The following LACTBL1 variants were observed in gnomAD, a reference collection of about 807,000 sequenced individuals.
The protein encoded by LACTBL1 is beta-lactamase-like protein 1.
Under a neutral mutation model 39.6 loss-of-function variants are expected in LACTBL1, and 29 were observed. That is an observed-to-expected ratio of 0.73 (90% CI 0.55 to 1.00). The LOEUF (loss-of-function observed/expected upper bound fraction) is 1.00. Among genes scored for constraint, LACTBL1 ranks in the 50% least tolerant of loss-of-function variants. LACTBL1 has a pLI of 0.00. For synonymous variants in LACTBL1, 361 were observed against 360.7 expected (o/e 1.00, Z -0.01); for missense variants, 711 against 748.5 (o/e 0.95, Z 0.59).
chr1:22,960,242 C>T (rs948658669), intron 2 of LACTBL1, 143 bp from the exon 5 acceptor site: 1 of 896,338 alleles, frequency 1.1e-6, no homozygotes, highest in African/African-American at 1.7e-5. Context: ...GGCTGGGGCC[C>T]CCACTGTTGG....
chr1:22,966,455 A>G (rs1159969532), upstream of LACTBL1, among the ~76,000 whole-genome samples: 1 of 152,216 alleles, frequency 6.6e-6, no homozygotes, highest in Admixed American at 6.5e-5. Context: ...TCCTCAGTAC[A>G]CACGCAATCC....
At chr1:22,969,598 TC>T (rs1462368186), upstream of LACTBL1, among the ~76,000 whole-genome samples, 1 of 152,100 alleles carries the variant, frequency 6.6e-6, no homozygotes, top group Non-Finnish European at 1.5e-5. Context: ...GCCAGCCCAT[TC>T]CCTGCCCCTC....
chr1:22,964,082 G>A (rs1377599873), intron 1 of LACTBL1, among the ~76,000 whole-genome samples: 4 of 152,208 alleles, frequency 2.6e-5, no homozygotes, highest in Non-Finnish European at 4.4e-5. Context: ...GACTACAGGC[G>A]TCCACCACCA....
chr1:22,963,210 A>G (rs6426777), exon 2 of LACTBL1: 52,195 of 1,354,052 alleles, frequency 0.039, 2,425 homozygotes, highest in Admixed American at 0.19. Flanking sequence ...CTCTGGTCCC[A>G]GGGAACCTGG....
chr1:22,965,243 G>A (rs1640864486), intron 1 of LACTBL1, 47 bp downstream of exon 3: 1 of 1,293,974 alleles, frequency 7.7e-7, no homozygotes, highest in Non-Finnish European at 9.9e-7. Flanking sequence ...AGCCCAGGAG[G>A]ACCCAGGGGG....
intron 4 of LACTBL1, among the ~76,000 whole-genome samples, chr1:22,958,469 T>C (rs1471568458): frequency 1.3e-5 from 2 of 152,228 alleles, no homozygotes; most frequent in African/African-American, 4.8e-5. Flanking sequence ...CTCATCTTGA[T>C]GTTTCTACTT....
rs914467377 is a variant in LACTBL1, at chr1:22,959,939, G to T, written c.317+3C>A. 1 of 1,550,988 alleles carries T rather than the reference G, an allele frequency of 6.4e-7. No homozygotes were observed. The highest frequency in any genetic ancestry group is 1.4e-5 in the African/African-American group (1 of 73,032). On this transcript the variant is annotated splice_donor_region_variant and intron_variant, in intron 3 of 5. Coordinates refer to ENST00000426928, the Ensembl canonical transcript of LACTBL1. ...ACAGGACCCTAGAGATCACCCAGCT[G>T]ACCTGTACATGGTGTACTCATTGGG...
chr1:22,954,347 A>G (rs1410010287), intron 5 of LACTBL1, among the ~76,000 whole-genome samples: 4 of 152,204 alleles, frequency 2.6e-5, no homozygotes, highest in Non-Finnish European at 5.9e-5. Context: ...TACCTTATCT[A>G]ATGGAAAATT....
chr1:22,958,804 T>A (rs1348222618), exon 4 of LACTBL1: 1 of 1,550,524 alleles, frequency 6.4e-7, no homozygotes, highest in Admixed American at 2.0e-5. Flanking sequence ...CAGCGGGTTG[T>A]TAATGGTGAA....
At chr1:22,958,828 C>T (rs775247472) in exon 4 of LACTBL1, 10 of 1,550,526 alleles carry the variant, frequency 6.4e-6, no homozygotes, top group African/African-American at 2.7e-5. Flanking sequence ...GCTGGCATAC[C>T]GCTCCAGAGG....
At chr1:22,963,153 A>G in exon 2 of LACTBL1, 2 of 1,303,320 alleles carry the variant, frequency 1.5e-6, no homozygotes, top group Non-Finnish European at 9.8e-7. Context: ...AGCCAGGGGC[A>G]CGGGCTCAGG....
upstream of LACTBL1, among the ~76,000 whole-genome samples, chr1:22,966,022 C>A (rs193213174): frequency 6.6e-5 from 10 of 152,282 alleles, no homozygotes; most frequent in African/African-American, 2.4e-4. Flanking sequence ...GATTATGGTG[C>A]TAATGGCACA....
intron 4 of LACTBL1, among the ~76,000 whole-genome samples, chr1:22,956,572 G>A (rs1378191502): frequency 1.3e-5 from 2 of 152,022 alleles, no homozygotes; most frequent in Admixed American, 1.3e-4. Context: ...AGGCGTCTGG[G>A]GCAGGGCAGA....
upstream of LACTBL1, among the ~76,000 whole-genome samples, chr1:22,967,969 C>T (rs140952856): frequency 6.6e-6 from 1 of 152,290 alleles, no homozygotes; most frequent in East Asian, 1.9e-4. Context: ...GTGTACCTTT[C>T]ATGGATCTCA....
upstream of LACTBL1, among the ~76,000 whole-genome samples, chr1:22,967,198 G>A (rs552104741): frequency 5.9e-5 from 9 of 152,080 alleles, no homozygotes; most frequent in South Asian, 2.1e-4. Flanking sequence ...GCAAATCTTC[G>A]CCTCTACAAA....
chr1:22,959,032 G>T, intron 3 of LACTBL1, 112 bp from the exon 6 acceptor site: 1 of 668,320 alleles, frequency 1.5e-6, no homozygotes, highest in Non-Finnish European at 2.5e-6. Context: ...CTGCATCCCT[G>T]CTTAAGTCAA....
intron 4 of LACTBL1, among the ~76,000 whole-genome samples, chr1:22,958,381 G>A (rs1640783311): frequency 6.6e-6 from 1 of 152,170 alleles, no homozygotes; most frequent in Admixed American, 6.5e-5. Flanking sequence ...CACTGAGCCT[G>A]GCCACATATT....
chr1:22,963,313 G>T, intron 1 of LACTBL1, 97 bp from the exon 4 acceptor site: 1 of 609,376 alleles, frequency 1.6e-6, no homozygotes, highest in Non-Finnish European at 2.5e-6. Context: ...CTCAAGGACA[G>T]CCCTCCCCAG....
At position 22,953,401 on chromosome 1, in the gene LACTBL1, G is replaced by A. The variant is rs1345379970; in HGVS notation, c.1283C>T (p.Pro428Leu). The change falls in exon 6 of 6, where the codon CCC becomes CTC. Residue 428 changes from proline (P) to leucine (L), a missense_variant. By Grantham distance (98) the Pro-to-Leu change is moderately conservative (BLOSUM62 -3). Coordinates refer to ENST00000426928, the Ensembl canonical transcript of LACTBL1. ...GGCGAAGGTGAAGTAGCCGGCGAAG[G>A]GGTGCGCGGTGGGCGGCGGAGCCGG... 4 of 1,227,916 alleles carry A rather than the reference G, an allele frequency of 3.3e-6. No individual in the cohort carries two copies. In the African/African-American group the frequency reaches 4.7e-5, roughly 14 times the overall value. 76.1% of individuals were successfully genotyped at this position (1,227,916 alleles called of 1,614,324 possible). A position where few individuals can be genotyped will look rare whatever the true frequency, so the allele number is the denominator to read the frequency against.
Sources: allele counts gnomAD v4.1 joint callset (sites outside exome capture counted in the v4.1 genomes callset), GRCh38; gene constraint gnomAD v4.1.1; transcripts MANE v1.5; gene names NCBI Gene and HGNC (gene_info 2026-07-23, HGNC 2026-07-21).